The following PTPN7 variants were observed in gnomAD, a reference collection of about 807,000 sequenced individuals.
PTPN7 encodes tyrosine-protein phosphatase non-receptor type 7.
A neutral mutation model predicts 50.3 loss-of-function variants in PTPN7; 33 were observed. The observed-to-expected ratio is 0.66, with a 90% confidence interval of 0.50 to 0.88. PTPN7 has a LOEUF of 0.88. Among genes scored for constraint, PTPN7 ranks in the 40% least tolerant of loss-of-function variants. The probability of loss-of-function intolerance (pLI) is 0.00; values close to 1 mark genes in which losing one functional copy is unlikely to be tolerated. For missense variants in PTPN7, 412 were observed against 475.4 expected (o/e 0.87, Z 1.24); for synonymous variants, 185 against 186.6 (o/e 0.99, Z 0.07).
In PTPN7 at chr1:202,147,050, G is replaced by A. The variant is rs532043528; in HGVS notation, c.*1556C>T. The A allele has an allele frequency of 6.6e-6, 1 of 152,218 alleles. No homozygotes were observed. The highest frequency in any genetic ancestry group is 2.1e-4 in the South Asian group (1 of 4,826). 9.4% of individuals were successfully genotyped at this position (152,218 alleles called of 1,614,324 possible). On this transcript the variant is annotated 3_prime_UTR_variant, in exon 10 of 10. Coordinates refer to ENST00000691036, the MANE Select transcript of PTPN7 (RefSeq NM_002832.4). The stretch of plus-strand genomic sequence containing the variant: ...CAAGAAGTCTTTATTTTCCCACTTG[G>A]TTACTGTTCTGGAGCTTGTACCCTC...
At chr1:202,156,706 T>G (rs929750643) in intron 4 of PTPN7, among the ~76,000 whole-genome samples, 3 of 152,170 alleles carry the variant, frequency 2.0e-5, no homozygotes, top group Non-Finnish European at 4.4e-5. Context: ...ATAGCGCTAA[T>G]AGCACCTTGA....
At position 202,152,636 on chromosome 1, in the gene PTPN7, G is replaced by T. The variant is rs1178092456; in HGVS notation, c.781C>A (p.Pro261Thr). The T allele has an allele frequency of 6.2e-7, 1 of 1,614,116 alleles. No individual in the cohort carries two copies. Among genetic ancestry groups the T allele is most frequent in the South Asian group, 1.1e-5 (1 of 91,080 alleles). Residue 261 changes from proline to threonine, a missense_variant, in exon 8 of 10, where the codon CCA becomes ACA. Physicochemically the swap from Pro to Thr is conservative, Grantham distance 38. Coordinates refer to ENST00000691036, the MANE Select transcript of PTPN7 (RefSeq NM_002832.4). Reference protein sequence around the residue: ...LFSAWPDHQTPESAGPLLRLV... With the variant: ...LFSAWPDHQTTESAGPLLRLV... The stretch of plus-strand genomic sequence containing the variant: ...CGCAGCAGGGGCCCAGCTGATTCTG[G>T]TGTCTGATGGTCTGGCCAGGCCGAA...
In PTPN7 at chr1:202,158,710, G is replaced by T. The variant is rs188943141; in HGVS notation, c.123-409C>A. 264 of 170,028 alleles carry T rather than the reference G, an allele frequency of 1.6e-3. 2 individuals are homozygous for T. Among genetic ancestry groups the T allele is most frequent in the African/African-American group, 6.0e-3 (250 of 41,868 alleles). The allele number at this position is 170,028 out of a possible 1,614,324, so 10.5% of individuals were successfully genotyped here. Reference sequence around the variant, plus strand: ...AGTATTACTGTTATAAGGCACCTCTGAGGGGGCCGCTCTTTATCTTTCCTT... The same window carrying T: ...AGTATTACTGTTATAAGGCACCTCTTAGGGGGCCGCTCTTTATCTTTCCTT... On this transcript the variant is annotated intron_variant, in intron 2 of 9. Coordinates refer to ENST00000691036, the MANE Select transcript of PTPN7 (RefSeq NM_002832.4).
Position 202,157,702 on chromosome 1 carries a change from T to G in PTPN7, c.391+37A>C. 1.9e-6 allele frequency: 3 copies of G among 1,571,242 alleles called. No homozygotes were observed. The South Asian group carries it at 3.3e-5, about 17-fold the overall frequency. On this transcript the variant is annotated intron_variant, in intron 4 of 9. Transcript: ENST00000691036. ...TCTGAAGTTCTCTAGCCCCAGGGAC[T>G]GTACCCGACTCCCTTCATCCCAGCA...
chr1:202,161,192 G>T (rs1448538529), upstream of PTPN7: 3 of 1,124,458 alleles, frequency 2.7e-6, no homozygotes, highest in African/African-American at 1.6e-5. Flanking sequence ...AAGGGCCGGG[G>T]CCAGGCCAAA....
Position 202,152,707 on chromosome 1 carries a change from G to T in PTPN7, c.718-8C>A, listed in dbSNP as rs1656170481. The T allele has an allele frequency of 6.2e-7, 1 of 1,613,688 alleles. No homozygotes were observed. Among genetic ancestry groups the T allele is most frequent in the Non-Finnish European group, 8.5e-7 (1 of 1,179,846 alleles). On this transcript the variant is annotated splice_region_variant and splice_polypyrimidine_tract_variant and intron_variant, in intron 7 of 9. Transcript: ENST00000691036. Reference sequence around the variant, plus strand: ...CCGGCGCTCTTCCTGGTACTGGATTGGAGACAAGGCATGAGAACCAAGGTC... The same window carrying T: ...CCGGCGCTCTTCCTGGTACTGGATTTGAGACAAGGCATGAGAACCAAGGTC...
chr1:202,161,426 C>T (rs1341720864), upstream of PTPN7: 40 of 1,289,168 alleles, frequency 3.1e-5, no homozygotes, highest in Non-Finnish European at 3.9e-5. Context: ...CAGGGGACTC[C>T]CATGTCCTCT....
chr1:202,153,575 A>C, intron 7 of PTPN7, 150 bp downstream of exon 7: 1 of 636,830 alleles, frequency 1.6e-6, no homozygotes, highest in South Asian at 1.9e-5. Flanking sequence ...GGCTGAGGAC[A>C]GTGCTCAAGT....
chr1:202,161,105 T>G, upstream of PTPN7: 1 of 1,280,274 alleles, frequency 7.8e-7, no homozygotes, highest in Non-Finnish European at 9.9e-7. Context: ...AGACCACATC[T>G]TCCCAGAGCA....
chr1:202,159,721 G>A lies in PTPN7; in HGVS notation c.-52-267C>T. The A allele has an allele frequency of 7.4e-7, 1 of 1,356,254 alleles. No individual in the cohort carries two copies. The highest frequency in any genetic ancestry group is 9.5e-7 in the Non-Finnish European group (1 of 1,055,296). The allele number at this position is 1,356,254 out of a possible 1,614,324, so 84.0% of individuals were successfully genotyped here. On this transcript the variant is annotated intron_variant, in intron 1 of 9. Coordinates refer to ENST00000691036, the MANE Select transcript of PTPN7 (RefSeq NM_002832.4). This position sits in a 1 kb window ranked among gnomAD's most constrained non-coding sequence, Gnocchi z 4.6. ...ATCCAGAAGGAGGAAAAGAGAGAGG[G>A]GAGAGAGGCCACACACCAGAGTACA... is the stretch of plus-strand genomic sequence containing the variant.
chr1:202,150,137 A>C, intron 9 of PTPN7, 174 bp downstream of exon 9: 1 of 588,458 alleles, frequency 1.7e-6, no homozygotes, highest in Non-Finnish European at 3.1e-6. Flanking sequence ...CCGGCCATCC[A>C]GATAGATATT....
At chr1:202,161,559 A>C, upstream of PTPN7, 2 of 1,286,132 alleles carry the variant, frequency 1.6e-6, no homozygotes, top group Non-Finnish European at 2.0e-6. Context: ...CAGCCGGTTC[A>C]TGCTCGCTGC....
chr1:202,150,269 A>G (rs1483070761), intron 9 of PTPN7, 42 bp downstream of exon 9: 1 of 1,499,736 alleles, frequency 6.7e-7, no homozygotes, highest in Admixed American at 1.8e-5. Flanking sequence ...CACTGATGCC[A>G]TCCGTTAACG....
chr1:202,160,568 TG>T lies in PTPN7; in HGVS notation c.-77del. ...ACTGAAGCAGCTGTGGCCCCCAGGC[TG>T]CCTCTTGCCAGCTGTCTGTCTGTCT... On this transcript the variant is annotated 5_prime_UTR_variant, in exon 1 of 10. Coordinates refer to ENST00000691036, the MANE Select transcript of PTPN7 (RefSeq NM_002832.4). This position sits in a 1 kb window ranked among gnomAD's most constrained non-coding sequence, Gnocchi z 4.8. 5.8e-6 allele frequency: 9 copies of T among 1,549,550 alleles called. No homozygotes were observed. The highest frequency in any genetic ancestry group is 7.0e-6 in the Non-Finnish European group (8 of 1,146,164).
Position 202,152,689 on chromosome 1 carries a change from T to C in PTPN7, c.728A>G (p.Glu243Gly). ...VRQLTIQYQE[E>G]RRSVKHILFS... Reference sequence around the variant, plus strand: ...GAGGATGTGCTTTACTGACCGGCGCTCTTCCTGGTACTGGATTGGAGACAA... The same window carrying C: ...GAGGATGTGCTTTACTGACCGGCGCCCTTCCTGGTACTGGATTGGAGACAA... The change falls in exon 8 of 10, where the codon GAG (glutamate) becomes GGG (glycine). Residue 243 changes from glutamate (E) to glycine (G), a missense_variant. Transcript: ENST00000691036. 6.2e-7 allele frequency: 1 copy of C among 1,614,060 alleles called. No individual in the cohort carries two copies.
chr1:202,150,397 G>A lies in PTPN7; in HGVS notation c.903C>T (p.Phe301=). The A allele has an allele frequency of 6.2e-7, 1 of 1,610,990 alleles. No individual in the cohort carries two copies. ...CSAGIGRTGC[F]IATRIGCQQL... ...GTTGACAGCCAATTCGCGTGGCGAT[G>A]AAGCAGCCCGTCCGGCCAATCCCTG... Residue 301 remains phenylalanine (F), a synonymous_variant, in exon 9 of 10, where the codon TTC becomes TTT. Transcript: ENST00000691036.
At chr1:202,154,077 G>T (rs1232187259) in intron 6 of PTPN7, 109 bp downstream of exon 6, 18 of 1,498,208 alleles carry the variant, frequency 1.2e-5, no homozygotes, top group African/African-American at 4.1e-5. Flanking sequence ...ATGAGCTGGG[G>T]CTGGCTCCCA....
At chr1:202,161,475 T>C, upstream of PTPN7, 1 of 1,289,806 alleles carries the variant, frequency 7.8e-7, no homozygotes, top group Non-Finnish European at 1.0e-6. Context: ...ACCTGAAGGG[T>C]GGCCCCCAAG....
chr1:202,153,415 C>T (rs1378124349), intron 7 of PTPN7, among the ~76,000 whole-genome samples: 3 of 152,220 alleles, frequency 2.0e-5, no homozygotes, highest in Non-Finnish European at 2.9e-5. Flanking sequence ...TGAGCCGCCA[C>T]ACCTGGCCTT....
Sources: allele counts gnomAD v4.1 joint callset (sites outside exome capture counted in the v4.1 genomes callset), GRCh38; gene constraint gnomAD v4.1.1; non-coding constraint Gnocchi (gnomAD v3.1); transcripts MANE v1.5; gene names NCBI Gene and HGNC (gene_info 2026-07-23, HGNC 2026-07-21).